The following MACROD2 variants were observed in gnomAD, a reference collection of about 807,000 sequenced individuals.
The protein encoded by MACROD2 is mono-ADP ribosylhydrolase 2, also known as ADP-ribose glycohydrolase MACROD2.
Under a neutral mutation model 70.4 loss-of-function variants are expected in MACROD2, and 36 were observed. The ratio of observed to expected loss-of-function variants is 0.51; its 90% CI spans 0.39 to 0.68. The LOEUF is 0.68. Among genes scored for constraint, MACROD2 ranks in the 30% least tolerant of loss-of-function variants. The probability of loss-of-function intolerance (pLI) is 0.00; values close to 1 mark genes in which losing one functional copy is unlikely to be tolerated. For synonymous variants in MACROD2, 172 were observed against 178.8 expected (o/e 0.96, Z 0.30); for missense variants, 496 against 538.4 (o/e 0.92, Z 0.78).
chr20:14,654,807 A>G (rs1332935790), intron 4 of MACROD2, among the ~76,000 whole-genome samples: 1 of 152,230 alleles, frequency 6.6e-6, no homozygotes, highest in African/African-American at 2.4e-5. Context: ...AAAAGCGCTC[A>G]GTTCCCCCTT....
chr20:14,205,218 T>C (rs903919488), intron 3 of MACROD2, among the ~76,000 whole-genome samples: 1 of 152,172 alleles, frequency 6.6e-6, no homozygotes, highest in Non-Finnish European at 1.5e-5. Flanking sequence ...TGAAAACATC[T>C]CTGGAATCCT....
At chr20:14,611,771 C>G (rs1235119332) in intron 4 of MACROD2, among the ~76,000 whole-genome samples, 1 of 152,060 alleles carries the variant, frequency 6.6e-6, no homozygotes, top group African/African-American at 2.4e-5. Flanking sequence ...TTAGGAGACT[C>G]AGAAACTTTG....
At chr20:14,670,888 G>A (rs2070787836) in intron 4 of MACROD2, among the ~76,000 whole-genome samples, 1 of 152,078 alleles carries the variant, frequency 6.6e-6, no homozygotes, top group Admixed American at 6.6e-5. Flanking sequence ...CATGTGGTTA[G>A]TCTTAGGCAG....
At chr20:14,486,514 T>TTTA (rs1163086912) in intron 3 of MACROD2, among the ~76,000 whole-genome samples, 1 of 8,998 alleles carries the variant, frequency 1.1e-4, no homozygotes, top group Non-Finnish European at 2.0e-4. Context: ...AATAGCCAAC[T>TTTA]TTTTATTTTA....
At chr20:14,434,696 T>G (rs1268443838) in intron 3 of MACROD2, among the ~76,000 whole-genome samples, 3 of 152,176 alleles carry the variant, frequency 2.0e-5, no homozygotes, top group African/African-American at 7.2e-5. Context: ...TTTTCCTTTT[T>G]TCAAAATAAC....
intron 6 of MACROD2, among the ~76,000 whole-genome samples, chr20:15,249,521 A>T (rs1422314223): frequency 6.6e-6 from 1 of 152,176 alleles, no homozygotes; most frequent in Non-Finnish European, 1.5e-5. Flanking sequence ...ATGAAGCCTG[A>T]TTACCTTAGC....
chr20:14,552,967 G>A (rs892468051), intron 4 of MACROD2, among the ~76,000 whole-genome samples: 6 of 151,960 alleles, frequency 3.9e-5, no homozygotes, highest in African/African-American at 1.5e-4. Context: ...CTTAGGCTAC[G>A]TTAAATGTAT....
intron 6 of MACROD2, among the ~76,000 whole-genome samples, chr20:15,417,953 C>A (rs184277154): frequency 1.0e-3 from 155 of 152,290 alleles, no homozygotes; most frequent in African/African-American, 3.4e-3. Flanking sequence ...CTAACCAGTT[C>A]TTTCTCAAGG....
chr20:15,688,241 A>G (rs1162020353), intron 8 of MACROD2, among the ~76,000 whole-genome samples: 1 of 152,210 alleles, frequency 6.6e-6, no homozygotes, highest in Non-Finnish European at 1.5e-5. Flanking sequence ...TCCTTTGGAC[A>G]TTGTCATATA....
At chr20:15,497,419 G>T (rs1250112047) in intron 7 of MACROD2, among the ~76,000 whole-genome samples, 3 of 152,046 alleles carry the variant, frequency 2.0e-5, no homozygotes, top group African/African-American at 7.2e-5. Context: ...AGCCTCCCAA[G>T]TAGCTGGCAT....
intron 5 of MACROD2, among the ~76,000 whole-genome samples, chr20:15,068,832 G>A (rs1471026321): frequency 6.6e-6 from 1 of 152,152 alleles, no homozygotes; most frequent in African/African-American, 2.4e-5. Flanking sequence ...TGAGAAGTGG[G>A]GCATTGCTGT....
intron 5 of MACROD2, among the ~76,000 whole-genome samples, chr20:15,051,590 A>T (rs1282793039): frequency 6.6e-6 from 1 of 152,132 alleles, no homozygotes; most frequent in Non-Finnish European, 1.5e-5. Flanking sequence ...AGGCCCACTC[A>T]GATCATCAAG....
At chr20:15,675,455 G>C (rs2050043998) in intron 8 of MACROD2, among the ~76,000 whole-genome samples, 1 of 152,136 alleles carries the variant, frequency 6.6e-6, no homozygotes, top group South Asian at 2.1e-4. Context: ...TTTTATCTGT[G>C]ACACTAGAAA....
At chr20:14,218,531 G>A (rs1024554388) in intron 3 of MACROD2, among the ~76,000 whole-genome samples, 3 of 152,162 alleles carry the variant, frequency 2.0e-5, no homozygotes, top group Non-Finnish European at 4.4e-5. Context: ...GAAATGTGAG[G>A]TACCATTGCA....
At chr20:15,254,324 C>A (rs1442071017) in intron 6 of MACROD2, among the ~76,000 whole-genome samples, 1 of 152,062 alleles carries the variant, frequency 6.6e-6, no homozygotes, top group Non-Finnish European at 1.5e-5. Context: ...AGCGTATCAG[C>A]CAGAATCATC....
rs535241874 is a variant in MACROD2, at chr20:15,779,571, T to A, written c.646-83174T>A. ...GAGATTTATTAAGACTCTGGAAAAC[T>A]TACTGGCTGGTCAAAAAAACCAATG... is the stretch of plus-strand genomic sequence containing the variant. On this transcript the variant is annotated intron_variant, in intron 8 of 17. Coordinates refer to ENST00000684519, the MANE Select transcript of MACROD2 (RefSeq NM_001351661.2). Among the ~76,000 whole-genome samples, 151 of 152,234 alleles carry A rather than the reference T, an allele frequency of 9.9e-4. 1 individual carries two copies. Among genetic ancestry groups the A allele is most frequent in the African/African-American group, 3.5e-3 (145 of 41,550 alleles).
chr20:14,729,853 G>T (rs1419303135), intron 5 of MACROD2, among the ~76,000 whole-genome samples: 1 of 151,872 alleles, frequency 6.6e-6, no homozygotes, highest in African/African-American at 2.4e-5. Context: ...GCAAAGGTAG[G>T]ATTATAGTAT....
At chr20:15,355,343 A>C (rs2078274809) in intron 6 of MACROD2, among the ~76,000 whole-genome samples, 1 of 152,188 alleles carries the variant, frequency 6.6e-6, no homozygotes, top group Non-Finnish European at 1.5e-5. Context: ...TACACCTATA[A>C]TTACAGTTTA....
At chr20:14,765,342 G>A (rs532041507) in intron 5 of MACROD2, among the ~76,000 whole-genome samples, 1 of 151,642 alleles carries the variant, frequency 6.6e-6, no homozygotes, top group African/African-American at 2.4e-5. Context: ...CCTGTCCCTG[G>A]ACTCGCCTCA....
Sources: allele counts gnomAD v4.1 joint callset (sites outside exome capture counted in the v4.1 genomes callset), GRCh38; gene constraint gnomAD v4.1.1; transcripts MANE v1.5; gene names NCBI Gene and HGNC (gene_info 2026-07-23, HGNC 2026-07-21).